ATP11A: variants seen among roughly 807,000 people sequenced by gnomAD.
The protein encoded by ATP11A is ATPase phospholipid transporting 11A, also known as phospholipid-transporting ATPase IH.
A neutral mutation model predicts 154.4 loss-of-function variants in ATP11A; 81 were observed. The ratio of observed to expected loss-of-function variants is 0.52; its 90% CI spans 0.44 to 0.63. ATP11A has a LOEUF of 0.63. Ranked by LOEUF, ATP11A falls within the 30% of genes least tolerant of loss-of-function variation. The pLI is 0.00. For synonymous variants in ATP11A, 623 were observed against 585.9 expected, an observed-to-expected ratio of 1.06 and a Z score of -0.91; for missense variants, 1,316 against 1,474.3, an observed-to-expected ratio of 0.89 and a Z score of 1.76.
chr13:112,777,389 C>A lies in ATP11A; in HGVS notation c.40-7746C>A, dbSNP rs185688201. On this transcript the variant is annotated intron_variant, in intron 1 of 29. Transcript: ENST00000375645. ...GACCAGCCTGGCCAACACGGTGAAA[C>A]CCAGTCTCTACTAAAAATACAAAAA... 8.9e-3 allele frequency among the ~76,000 whole-genome samples: 1,355 copies of A among 152,276 alleles called. 28 individuals carry two copies. Among genetic ancestry groups the A allele is most frequent in the African/African-American group, 0.03 (1,237 of 41,536 alleles).
rs573505041 is a variant in ATP11A, at chr13:112,753,857, A to G, written c.40-31278A>G. 1.0e-3 allele frequency among the ~76,000 whole-genome samples: 159 copies of G among 152,346 alleles called. No homozygotes were observed. The highest frequency in any genetic ancestry group is 3.6e-3 in the African/African-American group (151 of 41,574). On this transcript the variant is annotated intron_variant, in intron 1 of 29. Coordinates refer to ENST00000375645, the MANE Select transcript of ATP11A (RefSeq NM_015205.3). This position sits in a 1 kb window ranked among gnomAD's most constrained non-coding sequence, Gnocchi z 4.1. ...GCTTATGTTAGAAGCGCTTTTTCCA[A>G]AATGCAATGTAGAGTTATTTAAATT...
At chr13:112,789,354 A>ATG (rs2077765415) in intron 2 of ATP11A, among the ~76,000 whole-genome samples, 1 of 150,230 alleles carries the variant, frequency 6.7e-6, no homozygotes, top group African/African-American at 2.5e-5. Context: ...GAGTGTCCTG[A>ATG]CGTGTAGACC....
intron 1 of ATP11A, among the ~76,000 whole-genome samples, chr13:112,771,402 T>C (rs2077222332): frequency 6.6e-6 from 1 of 152,208 alleles, no homozygotes; most frequent in South Asian, 2.1e-4. Context: ...CAGGTGACTG[T>C]ATTTGCGCTG....
At chr13:112,822,101 C>T (rs2078812208) in intron 8 of ATP11A, among the ~76,000 whole-genome samples, 1 of 152,170 alleles carries the variant, frequency 6.6e-6, no homozygotes, top group African/African-American at 2.4e-5. Flanking sequence ...CTTAATTTTC[C>T]ATGATAGAAG....
At chr13:112,790,825 A>G (rs2077832504) in intron 2 of ATP11A, among the ~76,000 whole-genome samples, 1 of 152,238 alleles carries the variant, frequency 6.6e-6, no homozygotes, top group South Asian at 2.1e-4. Flanking sequence ...TTTACAACAG[A>G]AAAGGTCACC....
At chr13:112,728,372 G>A (rs1444058852) in intron 1 of ATP11A, among the ~76,000 whole-genome samples, 1 of 142,118 alleles carries the variant, frequency 7.0e-6, no homozygotes, top group African/African-American at 2.7e-5. Context: ...CAGTGTCCAC[G>A]TGTGGAGGGG....
At position 112,859,302 on chromosome 13, in the gene ATP11A, C is replaced by A; in HGVS notation, c.2668-91C>A. 1.0e-6 allele frequency: 1 copy of A among 994,936 alleles called. No individual in the cohort carries two copies. Among genetic ancestry groups the A allele is most frequent in the Non-Finnish European group, 1.6e-6 (1 of 615,982 alleles). 61.6% of individuals were successfully genotyped at this position (994,936 alleles called of 1,614,324 possible). Reference sequence around the variant, plus strand: ...GCCGCACGCTGGGTGCACGTGGATCCCTCCTCCCATGTGGGGTGGGCCACG... The same window carrying A: ...GCCGCACGCTGGGTGCACGTGGATCACTCCTCCCATGTGGGGTGGGCCACG... On this transcript the variant is annotated intron_variant, in intron 22 of 29. Transcript: ENST00000375645. The surrounding 1 kb of genome is among the most constrained non-coding windows in gnomAD (Gnocchi z 4.3).
At chr13:112,760,988 A>G (rs2076948417) in intron 1 of ATP11A, among the ~76,000 whole-genome samples, 1 of 152,230 alleles carries the variant, frequency 6.6e-6, no homozygotes. Flanking sequence ...AATTCCAGAA[A>G]TAAACAATTC....
chr13:112,802,119 C>A (rs925794719), intron 2 of ATP11A, among the ~76,000 whole-genome samples: 22 of 151,920 alleles, frequency 1.4e-4, no homozygotes, highest in South Asian at 6.2e-4. Flanking sequence ...CCGAGGCGGG[C>A]GGATCACGAG....
chr13:112,873,501 C>G, intron 26 of ATP11A, 72 bp from the exon 27 acceptor site: 1 of 1,205,662 alleles, frequency 8.3e-7, no homozygotes, highest in African/African-American at 1.5e-5. Context: ...CCCCGGCTCT[C>G]TGTCCTGCCC....
chr13:112,764,888 C>T (rs1036922311), intron 1 of ATP11A, among the ~76,000 whole-genome samples: 2 of 152,200 alleles, frequency 1.3e-5, no homozygotes, highest in African/African-American at 2.4e-5. Flanking sequence ...GAGCCAACCT[C>T]TTTCCTTAGC....
At chr13:112,858,650 C>T in intron 22 of ATP11A, 1 of 200,200 alleles carries the variant, frequency 5.0e-6, no homozygotes, top group Non-Finnish European at 1.0e-5. Context: ...TGTGCCGATG[C>T]TGTGTGTACA....
At chr13:112,826,592 G>A (rs1453744547) in intron 11 of ATP11A, 102 bp from the exon 12 acceptor site, 17 of 928,798 alleles carry the variant, frequency 1.8e-5, no homozygotes, top group Non-Finnish European at 2.3e-5. Context: ...TAGTAGTAGC[G>A]CTCGTATAAC....
intron 20 of ATP11A, chr13:112,856,374 A>G (rs866276916): frequency 1.9e-4 from 39 of 204,378 alleles, no homozygotes; most frequent in African/African-American, 6.6e-4. Context: ...AGCTATCTCA[A>G]TCACTCCTGA....
At position 112,751,730 on chromosome 13, in the gene ATP11A, T is replaced by TCC. The variant is rs35952236; in HGVS notation, c.40-33396_40-33395dup. On this transcript the variant is annotated intron_variant, in intron 1 of 29. Coordinates refer to ENST00000375645, the MANE Select transcript of ATP11A (RefSeq NM_015205.3). Reference sequence around the variant, plus strand: ...TGACTGATATGCATACTGCAGATAATCCCCCCCCCCTTTTTTTGAGACAGG... The same window carrying TCC: ...TGACTGATATGCATACTGCAGATAATCCCCCCCCCCCCTTTTTTTGAGACAGG... 5.6e-5 allele frequency among the ~76,000 whole-genome samples: 8 copies of TCC among 143,578 alleles called. No individual in the cohort carries two copies. The East Asian group carries it at 1.0e-3, about 19-fold the overall frequency. The allele number at this position is 143,578 out of a possible 152,430, so 94.2% of individuals were successfully genotyped here.
intron 1 of ATP11A, among the ~76,000 whole-genome samples, chr13:112,730,599 G>A (rs994137236): frequency 2.0e-5 from 3 of 152,246 alleles, no homozygotes; most frequent in Admixed American, 6.5e-5. Context: ...AGGTGCGGGA[G>A]GATGGGGCTC....
In ATP11A at chr13:112,772,763, G is replaced by A. The variant is rs531618113; in HGVS notation, c.40-12372G>A. ...CAAGCAGCCTGGGGCTTTGTGACTG[G>A]CTCTGCCACTTGGCGGGGTCACCCC... is the stretch of plus-strand genomic sequence containing the variant. On this transcript the variant is annotated intron_variant, in intron 1 of 29. Coordinates refer to ENST00000375645, the MANE Select transcript of ATP11A (RefSeq NM_015205.3). Among the ~76,000 whole-genome samples, 127 of 152,340 alleles carry A rather than the reference G, an allele frequency of 8.3e-4. 1 individual carries two copies. The highest frequency in any genetic ancestry group is 3.0e-3 in the African/African-American group (123 of 41,580).
chr13:112,879,897 T>G (rs1032801846), intron 29 of ATP11A, among the ~76,000 whole-genome samples: 1 of 152,254 alleles, frequency 6.6e-6, no homozygotes, highest in African/African-American at 2.4e-5. Flanking sequence ...TTTGCACATA[T>G]ATGCCCGTGC....
chr13:112,783,127 G>A (rs975280228), intron 1 of ATP11A, among the ~76,000 whole-genome samples: 2 of 152,206 alleles, frequency 1.3e-5, no homozygotes, highest in African/African-American at 2.4e-5. Context: ...CACAGCTCCT[G>A]TCCGGGACGT....
Sources: gnomAD v4.1 joint callset for allele counts (sites outside exome capture counted in the v4.1 genomes callset) on GRCh38, gnomAD v4.1.1 for gene constraint, Gnocchi (gnomAD v3.1) non-coding constraint, MANE v1.5 for transcripts, NCBI Gene and HGNC (gene_info 2026-07-23, HGNC 2026-07-21) for gene names.